Variants in MTSS2 observed in about 807,000 individuals in gnomAD.
MTSS2 encodes protein MTSS 2.
A neutral mutation model predicts 67.1 loss-of-function variants in MTSS2; 27 were observed. The observed-to-expected ratio is 0.40, with a 90% CI of 0.30 to 0.55. The LOEUF (loss-of-function observed/expected upper bound fraction) is 0.55, where lower values mean the gene tolerates loss of function less well. Among genes scored for constraint, MTSS2 ranks in the 20% least tolerant of loss-of-function variants. The pLI, the probability that MTSS2 is intolerant of heterozygous loss-of-function variation, is 0.43. For missense variants in MTSS2, 1,171 were observed against 1,067.8 expected, an observed-to-expected ratio of 1.10 and a Z score of -1.35; for synonymous variants, 624 against 468.6, an observed-to-expected ratio of 1.33 and a Z score of -4.28.
rs759934701 is a variant in MTSS2 at position 70,680,861 on chromosome 16, G to C, written c.138C>G (p.Thr46=). Residue 46 remains threonine (T), a synonymous_variant, in exon 3 of 15, where the codon ACC becomes ACG. Transcript: ENST00000338779. ...CCAGGAAGGCCACAGCAGCCAGCAC[G>C]GTGGTCCTGGGGAGAGGGACAACGG... is the stretch of plus-strand genomic sequence containing the variant. ...ATKLHSQLRT[T]VLAAVAFLDA... is the part of the protein sequence containing the mutation. 6 of 1,557,740 alleles carry C rather than the reference G, an allele frequency of 3.9e-6. No individual in the cohort carries two copies. The African/African-American group carries it at 5.5e-5, about 14-fold the overall frequency.
In MTSS2 at chr16:70,679,413, G is replaced by A. The variant is rs891693243; in HGVS notation, c.458-90C>T. 62 of 1,506,002 alleles carry A rather than the reference G, an allele frequency of 4.1e-5. 2 individuals carry two copies. In the South Asian group the frequency reaches 4.6e-4, roughly 11 times the overall value. 93.3% of individuals were successfully genotyped at this position (1,506,002 alleles called of 1,614,324 possible). ...GGATGGACAGAGCCACTCCTGGGGC[G>A]GGGGTGCCTGGGCCTCCTGCTGCCT... On this transcript the variant is annotated intron_variant, in intron 6 of 14. Coordinates refer to ENST00000338779, the MANE Select transcript of MTSS2 (RefSeq NM_138383.3).
intron 7 of MTSS2, among the ~76,000 whole-genome samples, 173 bp from the exon 8 acceptor site, chr16:70,678,582 C>G (rs2053196079): frequency 6.6e-6 from 1 of 152,198 alleles, no homozygotes; most frequent in South Asian, 2.1e-4. Flanking sequence ...AAGGGCTAGT[C>G]CCACCAAAGC....
In MTSS2 at chr16:70,667,660, G is replaced by A. The variant is rs115044145; in HGVS notation, c.1054-2120C>T. Among the ~76,000 whole-genome samples the A allele has an allele frequency of 7.2e-3, 1,099 of 152,186 alleles. 15 individuals are homozygous for A. Among genetic ancestry groups the A allele is most frequent in the African/African-American group, 0.025 (1,050 of 41,510 alleles). ...GGCCAAGACGGGAGGATCACATGAG[G>A]CCACAAGTTTGAGACCAGCCTGGCC... On this transcript the variant is annotated intron_variant, in intron 11 of 14. Transcript: ENST00000338779.
At chr16:70,677,457 G>A (rs1161935014) in intron 9 of MTSS2, among the ~76,000 whole-genome samples, 2 of 152,128 alleles carry the variant, frequency 1.3e-5, no homozygotes, top group African/African-American at 4.8e-5. Context: ...GAGGGGATGG[G>A]GTTTCTGGCC....
At chr16:70,666,460 C>G (rs2054183) in intron 11 of MTSS2, among the ~76,000 whole-genome samples, 86,724 of 152,096 alleles carry the variant, frequency 0.57, 24,927 homozygotes, top group African/African-American at 0.62. Context: ...CATGTGTGAC[C>G]GGCAGGGTTC....
Position 70,663,639 on chromosome 16 carries a change from TCG to T in MTSS2, c.*36_*37del. The T allele has an allele frequency of 2.6e-6, 4 of 1,517,266 alleles. No homozygotes were observed. Among genetic ancestry groups the T allele is most frequent in the Non-Finnish European group, 3.5e-6 (4 of 1,132,524 alleles). The allele number at this position is 1,517,266 out of a possible 1,614,324, so 94.0% of individuals were successfully genotyped here. A position where few individuals can be genotyped will look rare whatever the true frequency, so the allele number is the denominator to read the frequency against. On this transcript the variant is annotated 3_prime_UTR_variant, in exon 15 of 15. Transcript: ENST00000338779. ...GCGGCTCACAGACCAGGCCACCTGC[TCG>T]CACTGGGGCCTGAGAGGATGGGGAG...
In MTSS2 at chr16:70,671,515, AAATG is replaced by A. The variant is rs1166542866; in HGVS notation, c.1053+2787_1053+2790del. 2.6e-5 allele frequency among the ~76,000 whole-genome samples: 4 copies of A among 152,352 alleles called. No homozygotes were observed. In the East Asian group the frequency reaches 5.8e-4, roughly 22 times the overall value. On this transcript the variant is annotated intron_variant, in intron 11 of 14. Transcript: ENST00000338779. Reference sequence around the variant, plus strand: ...TAAATTAAAAATTGAATATATAAATAAATGGGGGAGAAGGGACAGATCTTTTTAT... The same window carrying A: ...TAAATTAAAAATTGAATATATAAATAGGGGAGAAGGGACAGATCTTTTTAT...
intron 13 of MTSS2, 28 bp from the exon 14 acceptor site, chr16:70,664,791 C>G: frequency 6.3e-7 from 1 of 1,579,788 alleles, no homozygotes; most frequent in Non-Finnish European, 8.6e-7. Context: ...CAGGCTGAAG[C>G]CTTGCGCCCC....
At chr16:70,668,922 T>C (rs1187920329) in intron 11 of MTSS2, among the ~76,000 whole-genome samples, 1 of 152,180 alleles carries the variant, frequency 6.6e-6, no homozygotes, top group Non-Finnish European at 1.5e-5. Context: ...GCAGTCCAAA[T>C]TGACTAAGAC....
At chr16:70,677,591 G>A (rs780867610) in intron 9 of MTSS2, among the ~76,000 whole-genome samples, 1 of 152,192 alleles carries the variant, frequency 6.6e-6, no homozygotes, top group Non-Finnish European at 1.5e-5. Context: ...GTCTGAGAAC[G>A]CTGCTGGCCA....
chr16:70,680,830 A>G lies in MTSS2; in HGVS notation c.169T>C (p.Phe57Leu). 6.5e-7 allele frequency: 1 copy of G among 1,548,474 alleles called. No homozygotes were observed. The highest frequency in any genetic ancestry group is 8.7e-7 in the Non-Finnish European group (1 of 1,146,010). Reference protein sequence around the residue: ...VLAAVAFLDAFQKVADMATNT... With the variant: ...VLAAVAFLDALQKVADMATNT... ...GTAGCCATGTCAGCCACTTTCTGGA[A>G]GGCATCCAGGAAGGCCACAGCAGCC... is the stretch of plus-strand genomic sequence containing the variant. The change falls in exon 3 of 15, where the codon TTC (phenylalanine) becomes CTC (leucine). Residue 57 changes from phenylalanine to leucine, a missense_variant. Phe to Leu is a conservative substitution (Grantham distance 22). Around this residue, in one of 2 missense-constraint regions of MTSS2, gnomAD observed 247 missense variants for 311.8 expected, o/e 0.79. Coordinates refer to ENST00000338779, the MANE Select transcript of MTSS2 (RefSeq NM_138383.3).
At chr16:70,677,451 G>T (rs1472769732) in intron 9 of MTSS2, among the ~76,000 whole-genome samples, 1 of 152,110 alleles carries the variant, frequency 6.6e-6, no homozygotes. Flanking sequence ...CTAGGGGAGG[G>T]GATGGGGTTT....
At chr16:70,683,655 C>A (rs143678782) in intron 1 of MTSS2, among the ~76,000 whole-genome samples, 260 of 152,358 alleles carry the variant, frequency 1.7e-3, no homozygotes, top group Middle Eastern at 6.8e-3. Flanking sequence ...GGCCCCCGCT[C>A]AGCCCAAGGT....
chr16:70,664,769 G>C lies in MTSS2; in HGVS notation c.1306-6C>G, dbSNP rs776710611. 3.2e-5 allele frequency: 51 copies of C among 1,607,014 alleles called. No individual in the cohort carries two copies. Among genetic ancestry groups the C allele is most frequent in the Non-Finnish European group, 4.3e-5 (51 of 1,176,972 alleles). On this transcript the variant is annotated splice_polypyrimidine_tract_variant and splice_region_variant and intron_variant, in intron 13 of 14. Transcript: ENST00000338779. ...GGGGACACCTCCTCACCGTGCTGAG[G>C]GTGGGAAAGTGCAGGCTGAAGCCTT...
In MTSS2 at chr16:70,665,103, G is replaced by A. The variant is rs1441318507; in HGVS notation, c.1129-7C>T. The A allele has an allele frequency of 1.3e-6, 2 of 1,588,492 alleles. No homozygotes were observed. Among genetic ancestry groups the A allele is most frequent in the Admixed American group, 1.7e-5 (1 of 58,844 alleles). Reference sequence around the variant, plus strand: ...AGCCGACCTTGGACCAGTCCTGCAGGGAGGGTGTGGCAGGTCAGGGGGACC... The same window carrying A: ...AGCCGACCTTGGACCAGTCCTGCAGAGAGGGTGTGGCAGGTCAGGGGGACC... On this transcript the variant is annotated splice_polypyrimidine_tract_variant and splice_region_variant and intron_variant, in intron 12 of 14. Transcript: ENST00000338779.
chr16:70,672,413 G>GGACC (rs916632685), intron 11 of MTSS2, among the ~76,000 whole-genome samples: 2 of 151,006 alleles, frequency 1.3e-5, no homozygotes, highest in African/African-American at 4.8e-5. Flanking sequence ...ATTGGGTCAT[G>GGACC]GACCCCTGGA....
At chr16:70,685,693 G>T in intron 1 of MTSS2, 30 bp downstream of exon 1, 1 of 1,263,782 alleles carries the variant, frequency 7.9e-7, no homozygotes, top group South Asian at 1.9e-5. Flanking sequence ...ACCCGTCGCC[G>T]CGCGCCCGGC....
chr16:70,679,943 C>T, intron 4 of MTSS2, 28 bp downstream of exon 4: 2 of 1,484,696 alleles, frequency 1.3e-6, no homozygotes, highest in Non-Finnish European at 8.9e-7. Context: ...TCCCCCCGCC[C>T]CCCTGCCCGC....
chr16:70,680,891 G>T, intron 2 of MTSS2, 24 bp from the exon 3 acceptor site: 14 of 1,550,570 alleles, frequency 9.0e-6, no homozygotes, highest in Non-Finnish European at 1.0e-5. Flanking sequence ...CAACGGCATG[G>T]ATGGTCGGTG....
Sources: gnomAD v4.1 joint callset for allele counts (sites outside exome capture counted in the v4.1 genomes callset) on GRCh38, gnomAD v4.1.1 for gene constraint, gnomAD v4.1.1 regional missense constraint, MANE v1.5 for transcripts, NCBI Gene and HGNC (gene_info 2026-07-23, HGNC 2026-07-21) for gene names.